The following GRIK1 variants were observed in gnomAD, a reference collection of about 807,000 sequenced individuals.
The protein encoded by GRIK1 is glutamate ionotropic receptor kainate type subunit 1.
Under a neutral mutation model 105.7 loss-of-function variants are expected in GRIK1, and 69 were observed. The observed-to-expected ratio is 0.65, with a 90% CI of 0.54 to 0.80. GRIK1 has a LOEUF of 0.80. Among genes scored for constraint, GRIK1 ranks in the 30% least tolerant of loss-of-function variants. GRIK1 has a pLI of 0.00. For missense variants in GRIK1, 1,109 were observed against 1,167.3 expected (o/e 0.95, Z 0.73); for synonymous variants, 438 against 431.3 (o/e 1.02, Z -0.19).
At chr21:29,793,938 A>G (rs1394539445) in intron 1 of GRIK1, among the ~76,000 whole-genome samples, 1 of 152,218 alleles carries the variant, frequency 6.6e-6, no homozygotes, top group African/African-American at 2.4e-5. Context: ...ACAAAGGTCC[A>G]TTTCAGCATG....
intron 1 of GRIK1, among the ~76,000 whole-genome samples, chr21:29,776,239 G>C (rs1351895304): frequency 2.0e-5 from 3 of 152,024 alleles, no homozygotes; most frequent in Non-Finnish European, 4.4e-5. Context: ...TTTTGAGTGG[G>C]GACACTGCCA....
chr21:29,782,945 T>A (rs1307616501), intron 1 of GRIK1, among the ~76,000 whole-genome samples: 7 of 152,182 alleles, frequency 4.6e-5, no homozygotes, highest in Non-Finnish European at 8.8e-5. Context: ...TGTAAAATCG[T>A]AGGTGTGAAA....
chr21:29,873,842 C>G (rs1021877670), intron 1 of GRIK1, among the ~76,000 whole-genome samples: 2 of 152,202 alleles, frequency 1.3e-5, no homozygotes, highest in Non-Finnish European at 2.9e-5. Context: ...GCCTTTTTGG[C>G]ACCAGGGACT....
intron 2 of GRIK1, among the ~76,000 whole-genome samples, chr21:29,693,376 G>A (rs115522913): frequency 1.5e-3 from 224 of 152,256 alleles, no homozygotes; most frequent in African/African-American, 5.1e-3. Context: ...AAAGAGGATC[G>A]GATGTAGACA....
At chr21:29,739,611 A>G (rs376077552) in intron 1 of GRIK1, among the ~76,000 whole-genome samples, 13 of 152,364 alleles carry the variant, frequency 8.5e-5, no homozygotes, top group Admixed American at 7.2e-4. Flanking sequence ...ATATGGTACA[A>G]AGCAGAGGTC....
chr21:29,590,898 C>T (rs1324786950), intron 10 of GRIK1, among the ~76,000 whole-genome samples: 1 of 152,172 alleles, frequency 6.6e-6, no homozygotes, highest in Non-Finnish European at 1.5e-5. Flanking sequence ...GCAGGACTGG[C>T]AATGGATTAG....
At chr21:29,556,675 T>G (rs2090264753) in intron 15 of GRIK1, among the ~76,000 whole-genome samples, 1 of 152,166 alleles carries the variant, frequency 6.6e-6, no homozygotes, top group Non-Finnish European at 1.5e-5. Flanking sequence ...CAACATGATC[T>G]TTGGCTCTCT....
At chr21:29,820,464 A>G (rs1189358793) in intron 1 of GRIK1, among the ~76,000 whole-genome samples, 2 of 152,100 alleles carry the variant, frequency 1.3e-5, no homozygotes, top group African/African-American at 4.8e-5. Context: ...TCTCTTTCTG[A>G]TGAAAATTGT....
intron 1 of GRIK1, among the ~76,000 whole-genome samples, chr21:29,932,549 T>C (rs1451349471): frequency 6.6e-6 from 1 of 152,088 alleles, no homozygotes; most frequent in Non-Finnish European, 1.5e-5. Context: ...CAAGATTAAC[T>C]ATTTTTCTAA....
At chr21:29,849,486 A>T (rs2068237817) in intron 1 of GRIK1, among the ~76,000 whole-genome samples, 1 of 152,208 alleles carries the variant, frequency 6.6e-6, no homozygotes, top group Non-Finnish European at 1.5e-5. Context: ...CTCCTTTGTT[A>T]TACTTTGTTT....
rs1568815488 is a variant in GRIK1, at chr21:29,560,519, C to CTTTCTTTCTTTCTTT, written c.2356+1104_2356+1105insAAAGAAAGAAAGAAA. On this transcript the variant is annotated intron_variant, in intron 15 of 17. Coordinates refer to ENST00000327783, the MANE Select transcript of GRIK1 (RefSeq NM_001330994.2). Reference sequence around the variant, plus strand: ...TCTTTCCTTCCTTCCTTCCTTCCTTCCTTTCTTTCTTTCTTTCTTTCTTTC... The same window carrying CTTTCTTTCTTTCTTT: ...TCTTTCCTTCCTTCCTTCCTTCCTTCTTTCTTTCTTTCTTTCTTTCTTTCTTTCTTTCTTTCTTTC... Among the ~76,000 whole-genome samples the CTTTCTTTCTTTCTTT allele has an allele frequency of 3.8e-3, 222 of 57,798 alleles. 22 individuals are homozygous for CTTTCTTTCTTTCTTT. The highest frequency in any genetic ancestry group is 5.1e-3 in the Non-Finnish European group (169 of 32,860). 37.9% of individuals were successfully genotyped at this position (57,798 alleles called of 152,430 possible).
At chr21:29,620,814 T>TAGATAGATAGATAG in intron 7 of GRIK1, among the ~76,000 whole-genome samples, 1 of 106,430 alleles carries the variant, frequency 9.4e-6, no homozygotes, top group South Asian at 3.0e-4. Context: ...TAGATATATA[T>TAGATAGATAGATAG]ATATAGTAAT....
intron 16 of GRIK1, among the ~76,000 whole-genome samples, chr21:29,542,719 T>G (rs2089991337): frequency 1.3e-5 from 2 of 152,238 alleles, no homozygotes; most frequent in Non-Finnish European, 2.9e-5. Context: ...AGGTAAACAT[T>G]TCAGAGAACT....
At chr21:29,594,335 T>C (rs888440794) in intron 9 of GRIK1, among the ~76,000 whole-genome samples, 5 of 152,336 alleles carry the variant, frequency 3.3e-5, no homozygotes, top group Admixed American at 1.3e-4. Flanking sequence ...GATCTCATGA[T>C]TCATGTGTGC....
At chr21:29,797,901 C>T (rs2066601476) in intron 1 of GRIK1, among the ~76,000 whole-genome samples, 1 of 152,178 alleles carries the variant, frequency 6.6e-6, no homozygotes, top group South Asian at 2.1e-4. Flanking sequence ...GATACTGCAT[C>T]CTACACTCTT....
Position 29,642,848 on chromosome 21 carries a change from C to T in GRIK1, c.1076G>A (p.Arg359Lys), listed in dbSNP as rs777417162. 2.5e-6 allele frequency: 4 copies of T among 1,614,060 alleles called. No individual in the cohort carries two copies. The South Asian group carries it at 4.4e-5, about 18-fold the overall frequency. The change falls in exon 7 of 18, where the codon AGA (arginine) becomes AAA (lysine). Residue 359 changes from arginine (R) to lysine (K), a missense_variant. Physicochemically the swap from Arg to Lys is conservative, Grantham distance 26 (BLOSUM62 2). This residue lies in a region of GRIK1 where 612 missense variants were observed against 586.0 expected (regional missense o/e 1.04). Coordinates refer to ENST00000327783, the MANE Select transcript of GRIK1 (RefSeq NM_001330994.2). ...TGCCTCTTTGATCAGGTTCATAAAT[C>T]TGGGTCCGAGGCGCCATGGCTTATG... ...HRHKPWRLGP[R>K]FMNLIKEARW... is the part of the protein sequence containing the mutation.
chr21:29,765,449 G>A lies in GRIK1; in HGVS notation c.119-71386C>T, dbSNP rs76039114. On this transcript the variant is annotated intron_variant, in intron 1 of 17. Coordinates refer to ENST00000327783, the MANE Select transcript of GRIK1 (RefSeq NM_001330994.2). Reference sequence around the variant, plus strand: ...ACCTTATACCCTAATGGATTCCTCCGTGCTCCACAGACATGGCTACAGATT... The same window carrying A: ...ACCTTATACCCTAATGGATTCCTCCATGCTCCACAGACATGGCTACAGATT... 1.2e-3 allele frequency among the ~76,000 whole-genome samples: 175 copies of A among 151,864 alleles called. 1 individual carries two copies. Among genetic ancestry groups the A allele is most frequent in the South Asian group, 6.2e-3 (30 of 4,806 alleles).
At chr21:29,670,409 T>A (rs573334854) in intron 4 of GRIK1, among the ~76,000 whole-genome samples, 2 of 152,358 alleles carry the variant, frequency 1.3e-5, no homozygotes, top group South Asian at 4.1e-4. Context: ...CTTTTGTTTT[T>A]GTTTTAATTG....
chr21:29,810,195 G>C (rs2066973662), intron 1 of GRIK1, among the ~76,000 whole-genome samples: 1 of 151,958 alleles, frequency 6.6e-6, no homozygotes, highest in South Asian at 2.1e-4. Flanking sequence ...TACTCAGGAG[G>C]CTGAGGCAGG....
Sources: gnomAD v4.1 joint callset for allele counts (sites outside exome capture counted in the v4.1 genomes callset) on GRCh38, gnomAD v4.1.1 for gene constraint, gnomAD v4.1.1 regional missense constraint, MANE v1.5 for transcripts, NCBI Gene and HGNC (gene_info 2026-07-23, HGNC 2026-07-21) for gene names.